The following DHX57 variants were observed in gnomAD, a reference collection of about 807,000 sequenced individuals.
The protein encoded by DHX57 is putative ATP-dependent RNA helicase DHX57.
Under a neutral mutation model 156.2 loss-of-function variants are expected in DHX57, and 105 were observed. That is an observed-to-expected ratio of 0.67 (90% confidence interval 0.57 to 0.79). The LOEUF is 0.79. Among genes scored for constraint, DHX57 ranks in the 30% least tolerant of loss-of-function variants. The pLI, the probability that DHX57 is intolerant of heterozygous loss-of-function variation, is 0.00. For missense variants in DHX57, 1,847 were observed against 1,661.9 expected (o/e 1.11, Z -1.94); for synonymous variants, 704 against 595.6 (o/e 1.18, Z -2.65).
At chr2:38,855,966 G>A (rs999709591) in intron 7 of DHX57, among the ~76,000 whole-genome samples, 15 of 152,056 alleles carry the variant, frequency 9.9e-5, no homozygotes, top group African/African-American at 3.6e-4. Flanking sequence ...TGGGTATGGT[G>A]GTGCACCACA....
intron 23 of DHX57, 59 bp from the exon 24 acceptor site, chr2:38,798,501 G>A: frequency 3.9e-6 from 6 of 1,519,584 alleles, no homozygotes; most frequent in Non-Finnish European, 5.3e-6. Context: ...TAGGTTATTG[G>A]AGGGAAATAC....
intron 22 of DHX57, among the ~76,000 whole-genome samples, chr2:38,803,445 T>C (rs1669792361): frequency 6.6e-6 from 1 of 152,060 alleles, no homozygotes. Flanking sequence ...CTTTTCAAAT[T>C]ACAAAATGCC....
intron 17 of DHX57, 76 bp from the exon 18 acceptor site, chr2:38,819,220 G>A (rs1670695755): frequency 1.4e-6 from 2 of 1,412,960 alleles, no homozygotes; most frequent in South Asian, 1.2e-5. Context: ...TGTTGCCCAG[G>A]CTGGAGTGCA....
Position 38,860,999 on chromosome 2 carries a change from C to G in DHX57, c.1411G>C (p.Val471Leu), listed in dbSNP as rs1296635294. 1 of 1,611,332 alleles carries G rather than the reference C, an allele frequency of 6.2e-7. No individual in the cohort carries two copies. Among genetic ancestry groups the G allele is most frequent in the Non-Finnish European group, 8.5e-7 (1 of 1,178,270 alleles). The change falls in exon 5 of 24, where the codon GTT becomes CTT. Residue 471 changes from valine to leucine, a missense_variant and splice_region_variant. Physicochemically the swap from Val to Leu is conservative, Grantham distance 32. Transcript: ENST00000457308. Reference sequence around the variant, plus strand: ...TCCACAAGATCAATGCCTTACATACCTTCTGGAATTTGATTAGAAACAAAA... The same window carrying G: ...TCCACAAGATCAATGCCTTACATACGTTCTGGAATTTGATTAGAAACAAAA... ...NSFVSNQIPE[V>L]EKASESEESD... is the part of the protein sequence containing the mutation.
rs1274227841 is a variant in DHX57, at chr2:38,855,157, C to A, written c.1805G>T (p.Arg602Leu). 6.2e-7 allele frequency: 1 copy of A among 1,613,998 alleles called. No individual in the cohort carries two copies. Among genetic ancestry groups the A allele is most frequent in the Non-Finnish European group, 8.5e-7 (1 of 1,180,022 alleles). The change falls in exon 8 of 24, where the codon CGA becomes CTA. Residue 602 changes from arginine (R) to leucine (L), a missense_variant. Physicochemically the swap from Arg to Leu is moderately radical, Grantham distance 102. Transcript: ENST00000457308. ...AGCAACAGAGATTGCAGAGATTCGT[C>A]GGGGTTGGGTACAGATGATGTTGGC... is the stretch of plus-strand genomic sequence containing the variant. Reference protein sequence around the residue: ...KVANIICTQPRRISAISVAER... With the variant: ...KVANIICTQPLRISAISVAER...
At chr2:38,798,795 T>C (rs538705942) in intron 23 of DHX57, among the ~76,000 whole-genome samples, 10 of 151,920 alleles carry the variant, frequency 6.6e-5, no homozygotes, top group Admixed American at 5.9e-4. Context: ...AATACAAAAA[T>C]TAGCGAGTTG....
rs769135704 is a variant in DHX57, at chr2:38,823,061, C to T, written c.3223G>A (p.Gly1075Arg). 5.0e-6 allele frequency: 8 copies of T among 1,614,026 alleles called. No homozygotes were observed. The highest frequency in any genetic ancestry group is 6.8e-6 in the Non-Finnish European group (8 of 1,180,032). Residue 1075 changes from glycine (G) to arginine (R), a missense_variant, in exon 17 of 24, where the codon GGG becomes AGG. Physicochemically the swap from Gly to Arg is moderately radical, Grantham distance 125 (BLOSUM62 -2). Coordinates refer to ENST00000457308, the MANE Select transcript of DHX57 (RefSeq NM_198963.3). ...GGATCCAAACAGCGGAAGATAGACCCAAACAACATTAGTTTGCCAATTCTC... is the reference window on the plus strand; with the variant it reads ...GGATCCAAACAGCGGAAGATAGACCTAAACAACATTAGTTTGCCAATTCTC... ...DVRIGKLMLF[G>R]SIFRCLDPAL...
At chr2:38,837,223 T>C (rs935180340) in intron 13 of DHX57, among the ~76,000 whole-genome samples, 1 of 152,144 alleles carries the variant, frequency 6.6e-6, no homozygotes, top group African/African-American at 2.4e-5. Flanking sequence ...GTGCTAAGTG[T>C]CTTACATATG....
At chr2:38,851,241 T>A (rs1672576555) in intron 9 of DHX57, among the ~76,000 whole-genome samples, 1 of 152,196 alleles carries the variant, frequency 6.6e-6, no homozygotes, top group African/African-American at 2.4e-5. Context: ...ACTAAAATTA[T>A]AACATGTAAC....
chr2:38,798,167 T>C lies in DHX57; in HGVS notation c.*132A>G. 1 of 1,272,568 alleles carries C rather than the reference T, an allele frequency of 7.9e-7. No individual in the cohort carries two copies. Among genetic ancestry groups the C allele is most frequent in the Non-Finnish European group, 1.1e-6 (1 of 922,756 alleles). 78.8% of individuals were successfully genotyped at this position (1,272,568 alleles called of 1,614,324 possible). The stretch of plus-strand genomic sequence containing the variant: ...GGGTATATACACTGCCTCAGCTGCC[T>C]TGGGCTTCATGCCCTGGGCTCCTCC... On this transcript the variant is annotated 3_prime_UTR_variant, in exon 24 of 24. Transcript: ENST00000457308.
chr2:38,837,309 G>A (rs988289942), intron 13 of DHX57, among the ~76,000 whole-genome samples: 20 of 152,066 alleles, frequency 1.3e-4, no homozygotes, highest in Admixed American at 6.6e-4. Context: ...GGAAATTGAA[G>A]CATAGAAAAG....
At chr2:38,825,791 T>A in intron 16 of DHX57, 56 bp downstream of exon 16, 2 of 1,559,840 alleles carry the variant, frequency 1.3e-6, no homozygotes, top group Non-Finnish European at 1.8e-6. Context: ...TGGAACTTAA[T>A]AGAGTGAGAA....
intron 16 of DHX57, among the ~76,000 whole-genome samples, chr2:38,823,632 A>G (rs1670939968): frequency 6.6e-6 from 1 of 152,186 alleles, no homozygotes; most frequent in Admixed American, 6.5e-5. Context: ...AACAGGATAG[A>G]GATTCCTCAA....
rs188691045 is a variant in DHX57, at chr2:38,875,905, A to T, written c.-125T>A. On this transcript the variant is annotated 5_prime_UTR_variant, in exon 1 of 24. Coordinates refer to ENST00000457308, the MANE Select transcript of DHX57 (RefSeq NM_198963.3). ...ACTTGGAGCAGCCCTGCGGTGGCCC[A>T]GCTGCAGCGGCACAGTCCCGGCGCC... 6.8e-5 allele frequency: 27 copies of T among 396,542 alleles called. No homozygotes were observed. The Admixed American group carries it at 1.1e-3, about 16-fold the overall frequency. The allele number at this position is 396,542 out of a possible 1,614,324, so 24.6% of individuals were successfully genotyped here. A position where few individuals can be genotyped will look rare whatever the true frequency, so the allele number is the denominator to read the frequency against.
intron 13 of DHX57, among the ~76,000 whole-genome samples, chr2:38,832,456 C>A (rs1057377618): frequency 5.3e-5 from 8 of 151,882 alleles, no homozygotes; most frequent in Non-Finnish European, 1.0e-4. Flanking sequence ...AAAAGAAAAC[C>A]ACATAATGAT....
intron 22 of DHX57, chr2:38,803,140 T>G: frequency 1.9e-6 from 1 of 536,106 alleles, no homozygotes; most frequent in Middle Eastern, 5.1e-4. Flanking sequence ...AAAAAAGCTT[T>G]TATTTTTTAA....
rs754003710 is a variant in DHX57 at position 38,861,253 on chromosome 2, C to T, written c.1157G>A (p.Arg386His). ...STNENLPLACRLHISEFLYDK... is the reference protein window; with the variant it reads ...STNENLPLACHLHISEFLYDK... The stretch of plus-strand genomic sequence containing the variant: ...ATAAAGAAACTCAGAAATATGTAAA[C>T]GACAAGCCAGAGGTAGGTTCTCATT... The change falls in exon 5 of 24, where the codon CGT (arginine) becomes CAT (histidine). Residue 386 changes from arginine to histidine, a missense_variant. Coordinates refer to ENST00000457308, the MANE Select transcript of DHX57 (RefSeq NM_198963.3). 32 of 1,613,936 alleles carry T rather than the reference C, an allele frequency of 2.0e-5. No individual in the cohort carries two copies. The highest frequency in any genetic ancestry group is 1.6e-4 in the Middle Eastern group (1 of 6,084).
At chr2:38,865,333 G>C (rs1665012360) in intron 2 of DHX57, among the ~76,000 whole-genome samples, 1 of 152,136 alleles carries the variant, frequency 6.6e-6, no homozygotes, top group Non-Finnish European at 1.5e-5. Flanking sequence ...CTTCTCACGA[G>C]ATCTGATGGT....
intron 21 of DHX57, among the ~76,000 whole-genome samples, chr2:38,808,696 C>A (rs1006577748): frequency 6.6e-6 from 1 of 152,042 alleles, no homozygotes; most frequent in Non-Finnish European, 1.5e-5. Context: ...ATATTCCCAC[C>A]CAGAGTAAGA....
Sources: gnomAD v4.1 joint callset for allele counts (sites outside exome capture counted in the v4.1 genomes callset) on GRCh38, gnomAD v4.1.1 for gene constraint, MANE v1.5 for transcripts, NCBI Gene and HGNC (gene_info 2026-07-23, HGNC 2026-07-21) for gene names.